DPYSL3: variants seen among roughly 807,000 people sequenced by gnomAD.
DPYSL3 encodes dihydropyrimidinase-related protein 3.
A neutral mutation model predicts 66.1 loss-of-function variants in DPYSL3; 16 were observed. That is an observed-to-expected ratio of 0.24 (90% CI 0.16 to 0.37). DPYSL3 has a LOEUF of 0.37. Among genes scored for constraint, DPYSL3 ranks in the 10% least tolerant of loss-of-function variants. The pLI is 1.00. For missense variants in DPYSL3, 738 were observed against 916.2 expected, an observed-to-expected ratio of 0.81 and a Z score of 2.51; for synonymous variants, 338 against 345.1, an observed-to-expected ratio of 0.98 and a Z score of 0.23.
In DPYSL3 at chr5:147,438,451, C is replaced by T. The variant is rs770111488; in HGVS notation, c.382-13488G>A. On this transcript the variant is annotated intron_variant, in intron 1 of 13. Transcript: ENST00000343218. The stretch of plus-strand genomic sequence containing the variant: ...TTAATCCTAGAACAAAAGGTTTCTT[C>T]GCCTTCAATAAAGATCTAAGGCTTT... 9.2e-5 allele frequency among the ~76,000 whole-genome samples: 14 copies of T among 152,224 alleles called. No homozygotes were observed. The South Asian group carries it at 1.2e-3, about 14-fold the overall frequency.
At chr5:147,434,717 G>A (rs1359084472) in intron 1 of DPYSL3, among the ~76,000 whole-genome samples, 1 of 146,894 alleles carries the variant, frequency 6.8e-6, no homozygotes, top group Non-Finnish European at 1.5e-5. Context: ...ACAGTAAAAT[G>A]ATCAGTGGTT....
At chr5:147,508,972 T>C (rs1753718805) in intron 1 of DPYSL3, among the ~76,000 whole-genome samples, 1 of 152,120 alleles carries the variant, frequency 6.6e-6, no homozygotes, top group African/African-American at 2.4e-5. Context: ...GAGCTGATGT[T>C]TGAAGACTGA....
chr5:147,497,060 C>A (rs1447684405), intron 1 of DPYSL3, among the ~76,000 whole-genome samples: 1 of 152,188 alleles, frequency 6.6e-6, no homozygotes, highest in Non-Finnish European at 1.5e-5. Context: ...CCACGGAATA[C>A]TATGCAGCCA....
Position 147,397,788 on chromosome 5 carries a change from T to C in DPYSL3, c.1681A>G (p.Ile561Val), listed in dbSNP as rs377603066. ...TCCAGCATGATCTTGCCCTGGCAGA[T>C]GACAACCAGAGGAGCCCCGCGCAGC... ...MELRGAPLVV[I>V]CQGKIMLEDG... The change falls in exon 12 of 14, where the codon ATC (isoleucine) becomes GTC (valine). Residue 561 changes from isoleucine (I) to valine (V), a missense_variant. Ile to Val is a conservative substitution (Grantham distance 29). Transcript: ENST00000343218. 6.2e-6 allele frequency: 10 copies of C among 1,614,016 alleles called. No homozygotes were observed. The highest frequency in any genetic ancestry group is 1.3e-5 in the African/African-American group (1 of 74,940).
In DPYSL3 at chr5:147,457,035, C is replaced by T. The variant is rs191750645; in HGVS notation, c.382-32072G>A. Among the ~76,000 whole-genome samples, 308 of 152,240 alleles carry T rather than the reference C, an allele frequency of 2.0e-3. 2 individuals are homozygous for T. Among genetic ancestry groups the T allele is most frequent in the Middle Eastern group, 0.014 (4 of 294 alleles). On this transcript the variant is annotated intron_variant, in intron 1 of 13. Coordinates refer to ENST00000343218, the MANE Select transcript of DPYSL3 (RefSeq NM_001197294.2). ...TCTTCCTCACCATCACTCATTCATT[C>T]ATTCATTCATTCATTCATTCTCAAA...
At chr5:147,449,225 T>A (rs922618437) in intron 1 of DPYSL3, among the ~76,000 whole-genome samples, 46 of 152,090 alleles carry the variant, frequency 3.0e-4, no homozygotes, top group Non-Finnish European at 5.9e-5. Flanking sequence ...TTACTCCAGT[T>A]CATAAGGTCC....
At chr5:147,421,718 T>A (rs1367209316) in intron 2 of DPYSL3, among the ~76,000 whole-genome samples, 1 of 152,204 alleles carries the variant, frequency 6.6e-6, no homozygotes, top group African/African-American at 2.4e-5. Context: ...CATCTACAAC[T>A]ATTTGATCCT....
intron 8 of DPYSL3, 65 bp from the exon 9 acceptor site, chr5:147,401,761 T>C: frequency 6.3e-7 from 1 of 1,585,692 alleles, no homozygotes; most frequent in East Asian, 2.3e-5. Context: ...GCCAAGCCTA[T>C]TTAATTTAGC....
chr5:147,432,055 C>T (rs1477671945), intron 1 of DPYSL3, among the ~76,000 whole-genome samples: 2 of 152,130 alleles, frequency 1.3e-5, no homozygotes, highest in Admixed American at 6.5e-5. Flanking sequence ...GCATAGTTTA[C>T]CAGGGTTGGC....
chr5:147,472,071 A>G (rs895975862), intron 1 of DPYSL3, among the ~76,000 whole-genome samples: 4 of 152,168 alleles, frequency 2.6e-5, no homozygotes, highest in East Asian at 1.9e-4. Flanking sequence ...GCTGAAGCAC[A>G]TGAGACTAGC....
intron 1 of DPYSL3, among the ~76,000 whole-genome samples, chr5:147,459,287 GA>G (rs957438476): frequency 2.0e-5 from 3 of 151,874 alleles, no homozygotes; most frequent in Non-Finnish European, 4.4e-5. Flanking sequence ...GTCCTGATTT[GA>G]AAAATTCAGA....
At chr5:147,492,587 C>T (rs575342522) in intron 1 of DPYSL3, among the ~76,000 whole-genome samples, 1 of 151,696 alleles carries the variant, frequency 6.6e-6, no homozygotes, top group Non-Finnish European at 1.5e-5. Context: ...TAAAATAATA[C>T]AGCACTATTT....
At chr5:147,436,281 G>A (rs1314925039) in intron 1 of DPYSL3, among the ~76,000 whole-genome samples, 1 of 152,174 alleles carries the variant, frequency 6.6e-6, no homozygotes, top group Non-Finnish European at 1.5e-5. Flanking sequence ...AATAAACTAT[G>A]ATATCACCAC....
At chr5:147,486,919 T>C (rs756430274) in intron 1 of DPYSL3, among the ~76,000 whole-genome samples, 60 of 152,206 alleles carry the variant, frequency 3.9e-4, no homozygotes, top group Non-Finnish European at 7.1e-4. Context: ...CATATTTTTA[T>C]TGGGCTAGTC....
Position 147,392,152 on chromosome 5 carries a change from T to C in DPYSL3, c.*1883A>G, listed in dbSNP as rs760878995. On this transcript the variant is annotated 3_prime_UTR_variant, in exon 14 of 14. Transcript: ENST00000343218. Reference sequence around the variant, plus strand: ...CTGCACATAAAACTGTTATTCTTAGTTCTCTGAAAGACCCCCACATCTTTG... The same window carrying C: ...CTGCACATAAAACTGTTATTCTTAGCTCTCTGAAAGACCCCCACATCTTTG... 4 of 152,232 alleles carry C rather than the reference T, an allele frequency of 2.6e-5. No homozygotes were observed. The highest frequency in any genetic ancestry group is 4.8e-5 in the African/African-American group (2 of 41,448). 9.4% of individuals were successfully genotyped at this position (152,232 alleles called of 1,614,324 possible).
chr5:147,421,075 G>A (rs1752067308), intron 2 of DPYSL3, among the ~76,000 whole-genome samples: 1 of 152,154 alleles, frequency 6.6e-6, no homozygotes, highest in Non-Finnish European at 1.5e-5. Context: ...AAGTCAAATA[G>A]TCTCTGTTTG....
intron 1 of DPYSL3, among the ~76,000 whole-genome samples, chr5:147,450,264 C>T (rs1483286530): frequency 6.6e-6 from 1 of 152,052 alleles, no homozygotes; most frequent in Non-Finnish European, 1.5e-5. Context: ...TTCAACGAAA[C>T]AAGGCATGTA....
At chr5:147,404,918 A>G (rs1283311828) in intron 8 of DPYSL3, among the ~76,000 whole-genome samples, 1 of 151,858 alleles carries the variant, frequency 6.6e-6, no homozygotes, top group African/African-American at 2.4e-5. Context: ...GCCAGATTAT[A>G]TCATCCCCGG....
intron 1 of DPYSL3, among the ~76,000 whole-genome samples, chr5:147,506,756 G>C (rs1383860610): frequency 6.6e-6 from 1 of 152,176 alleles, no homozygotes; most frequent in South Asian, 2.1e-4. Context: ...TTTTGTACAG[G>C]AGAAAACTGA....
Sources: gnomAD v4.1 joint callset for allele counts (sites outside exome capture counted in the v4.1 genomes callset) on GRCh38, gnomAD v4.1.1 for gene constraint, MANE v1.5 for transcripts, NCBI Gene and HGNC (gene_info 2026-07-23, HGNC 2026-07-21) for gene names.